The following FAM53B variants were observed in gnomAD, a reference collection of about 807,000 sequenced individuals.
FAM53B encodes the protein family with sequence similarity 53 member B.
FAM53B carries 12 observed loss-of-function variants against 32.7 expected under a neutral mutation model. The ratio of observed to expected loss-of-function variants is 0.37; its 90% confidence interval spans 0.24 to 0.59. FAM53B has a LOEUF of 0.59. FAM53B is among the 20% of genes least tolerant of loss of function. The pLI, the probability that FAM53B is intolerant of heterozygous loss-of-function variation, is 0.72. For synonymous variants in FAM53B, 234 were observed against 228.7 expected (o/e 1.02, Z -0.21); for missense variants, 477 against 577.7 (o/e 0.83, Z 1.79).
intron 4 of FAM53B, among the ~76,000 whole-genome samples, chr10:124,634,425 C>T (rs1464806983): frequency 5.3e-5 from 8 of 152,330 alleles, no homozygotes; most frequent in African/African-American, 1.7e-4. Context: ...ATAATCCCCA[C>T]GTTTCGTGGG....
intron 4 of FAM53B, among the ~76,000 whole-genome samples, chr10:124,646,330 C>T (rs1949513998): frequency 6.6e-6 from 1 of 152,236 alleles, no homozygotes; most frequent in African/African-American, 2.4e-5. Context: ...TACAGATGGG[C>T]TGTATCTGCT....
intron 2 of FAM53B, among the ~76,000 whole-genome samples, chr10:124,705,005 C>T (rs944203885): frequency 2.0e-5 from 3 of 152,194 alleles, no homozygotes; most frequent in East Asian, 3.8e-4. Flanking sequence ...CTCTACTCCT[C>T]GCTGCAGTGA....
chr10:124,637,607 A>G (rs532308167), intron 4 of FAM53B, among the ~76,000 whole-genome samples: 12 of 152,304 alleles, frequency 7.9e-5, no homozygotes, highest in Middle Eastern at 3.4e-3. Flanking sequence ...TCTCAGCTCA[A>G]TGTGTCTCAA....
chr10:124,631,216 A>G (rs1011374788), intron 4 of FAM53B, among the ~76,000 whole-genome samples: 6 of 152,134 alleles, frequency 3.9e-5, no homozygotes, highest in Admixed American at 1.3e-4. Context: ...TGGATTCTTT[A>G]CACAGTGTAG....
chr10:124,649,403 G>C (rs1367799583), intron 4 of FAM53B, among the ~76,000 whole-genome samples: 1 of 152,226 alleles, frequency 6.6e-6, no homozygotes, highest in Non-Finnish European at 1.5e-5. Context: ...GGTAGAGAGG[G>C]TGCTACAGGG....
intron 1 of FAM53B, among the ~76,000 whole-genome samples, chr10:124,727,278 GA>G (rs1362649719): frequency 7.3e-6 from 1 of 136,152 alleles, no homozygotes; most frequent in Non-Finnish European, 1.5e-5. Flanking sequence ...TCAGCCTCAG[GA>G]AGGCACTTGT....
chr10:124,648,489 C>A (rs1157876605), intron 4 of FAM53B, among the ~76,000 whole-genome samples: 6 of 152,222 alleles, frequency 3.9e-5, no homozygotes, highest in Admixed American at 2.0e-4. Context: ...GAGCCTCCCC[C>A]ATCTGTAAAA....
At chr10:124,631,690 C>T (rs1402970386) in intron 4 of FAM53B, among the ~76,000 whole-genome samples, 1 of 152,178 alleles carries the variant, frequency 6.6e-6, no homozygotes, top group Non-Finnish European at 1.5e-5. Flanking sequence ...TCCGCCCTTG[C>T]TGCTCCCACT....
intron 3 of FAM53B, among the ~76,000 whole-genome samples, chr10:124,685,765 C>T (rs1419628215): frequency 1.3e-5 from 2 of 152,204 alleles, no homozygotes; most frequent in African/African-American, 2.4e-5. Context: ...CACACCATCC[C>T]TCCCATCTGC....
At chr10:124,706,337 A>C (rs1379787254) in intron 2 of FAM53B, among the ~76,000 whole-genome samples, 1 of 152,166 alleles carries the variant, frequency 6.6e-6, no homozygotes, top group Non-Finnish European at 1.5e-5. Flanking sequence ...AGACAGAAGG[A>C]ATGTCAATCC....
chr10:124,661,262 G>A (rs1949629554), intron 4 of FAM53B, among the ~76,000 whole-genome samples: 1 of 152,078 alleles, frequency 6.6e-6, no homozygotes, highest in Admixed American at 6.6e-5. Flanking sequence ...ATTAAACGGA[G>A]GTGTGTCGCA....
chr10:124,688,767 G>A (rs558139259), intron 3 of FAM53B, among the ~76,000 whole-genome samples: 25 of 152,266 alleles, frequency 1.6e-4, no homozygotes, highest in Middle Eastern at 6.8e-3. Context: ...ACACTCAGAG[G>A]AATACGAATG....
chr10:124,640,222 C>T (rs1438412783), intron 4 of FAM53B, among the ~76,000 whole-genome samples: 1 of 152,238 alleles, frequency 6.6e-6, no homozygotes, highest in Non-Finnish European at 1.5e-5. Context: ...AGGTGCACCC[C>T]GTGGGCTTGT....
chr10:124,671,112 G>A (rs1298427714), intron 4 of FAM53B: 3 of 446,246 alleles, frequency 6.7e-6, no homozygotes, highest in South Asian at 3.1e-5. Flanking sequence ...ACATCTCCCC[G>A]TCTGCTTCCT....
chr10:124,664,304 C>T (rs948349769), intron 4 of FAM53B, among the ~76,000 whole-genome samples: 3 of 152,160 alleles, frequency 2.0e-5, no homozygotes, highest in Non-Finnish European at 2.9e-5. Context: ...AGCTGGGGCC[C>T]GCTTACCCCA....
At chr10:124,704,332 G>A (rs1372988713) in intron 2 of FAM53B, 3 of 152,254 alleles carry the variant, frequency 2.0e-5, no homozygotes, top group Non-Finnish European at 2.9e-5. Context: ...TCAACAACAA[G>A]TAAGAGAGAC....
At chr10:124,704,907 CG>C (rs958762660) in intron 2 of FAM53B, among the ~76,000 whole-genome samples, 13 of 152,258 alleles carry the variant, frequency 8.5e-5, no homozygotes, top group African/African-American at 3.1e-4. Context: ...GTGGTGGCAG[CG>C]GGGCTGGTGA....
intron 4 of FAM53B, among the ~76,000 whole-genome samples, chr10:124,629,385 C>T (rs1010323798): frequency 2.0e-5 from 3 of 152,220 alleles, no homozygotes; most frequent in Non-Finnish European, 4.4e-5. Flanking sequence ...AGCTGCGTTT[C>T]CTCCTTCCCT....
At chr10:124,740,604 G>A (rs1298144448) in intron 1 of FAM53B, among the ~76,000 whole-genome samples, 1 of 152,134 alleles carries the variant, frequency 6.6e-6, no homozygotes, top group African/African-American at 2.4e-5. Context: ...CATAATAAAG[G>A]TGACTCAGCC....
Sources: allele counts gnomAD v4.1 joint callset (sites outside exome capture counted in the v4.1 genomes callset), GRCh38; gene constraint gnomAD v4.1.1; transcripts MANE v1.5; gene names NCBI Gene and HGNC (gene_info 2026-07-23, HGNC 2026-07-21).